PPARGC1B: variants seen among roughly 807,000 people sequenced by gnomAD.
PPARGC1B encodes the protein PPARG coactivator 1 beta.
PPARGC1B carries 34 observed loss-of-function variants against 101.6 expected under a neutral mutation model. That is an observed-to-expected ratio of 0.33 (90% CI 0.25 to 0.45). The LOEUF (loss-of-function observed/expected upper bound fraction) is 0.45, where lower values mean the gene tolerates loss of function less well. Ranked by LOEUF, PPARGC1B falls within the 20% of genes least tolerant of loss-of-function variation. The pLI is 1.00. For missense variants in PPARGC1B, 1,234 were observed against 1,317.6 expected (o/e 0.94, Z 0.98); for synonymous variants, 548 against 539.3 (o/e 1.02, Z -0.22).
At chr5:149,764,427 G>A (rs991434757) in intron 1 of PPARGC1B, among the ~76,000 whole-genome samples, 1 of 152,230 alleles carries the variant, frequency 6.6e-6, no homozygotes, top group African/African-American at 2.4e-5. Flanking sequence ...TGTGGAAACT[G>A]TGCTTAGTGG....
intron 1 of PPARGC1B, among the ~76,000 whole-genome samples, chr5:149,770,043 G>A (rs1756068731): frequency 6.6e-6 from 1 of 152,186 alleles, no homozygotes; most frequent in South Asian, 2.1e-4. Context: ...GCCTGCTGTG[G>A]TGGTGCACTC....
At chr5:149,783,303 G>A (rs1211326636) in intron 1 of PPARGC1B, among the ~76,000 whole-genome samples, 2 of 152,166 alleles carry the variant, frequency 1.3e-5, no homozygotes, top group Non-Finnish European at 2.9e-5. Flanking sequence ...AAAGAGAGTA[G>A]CATATCAGAG....
chr5:149,759,720 C>T (rs904737184), intron 1 of PPARGC1B, among the ~76,000 whole-genome samples: 6 of 152,206 alleles, frequency 3.9e-5, no homozygotes, highest in Non-Finnish European at 7.3e-5. Flanking sequence ...GACCCACATC[C>T]TTCACCAGGC....
Position 149,836,760 on chromosome 5 carries a change from G to A in PPARGC1B, c.2305G>A (p.Gly769Arg). 6.2e-7 allele frequency: 1 copy of A among 1,613,672 alleles called. No homozygotes were observed. The highest frequency in any genetic ancestry group is 8.5e-7 in the Non-Finnish European group (1 of 1,180,032). ...EIRASLTKHF[G>R]LLETALEEED... ...CCGTGCCAGCCTCACCAAACACTTT[G>A]GGCTGCTGGAGACCGCCCTGGAGGA... The change falls in exon 8 of 12, where the codon GGG becomes AGG. Residue 769 changes from glycine to arginine, a missense_variant. Gly to Arg is a moderately radical substitution (Grantham distance 125). Transcript: ENST00000309241.
At chr5:149,783,091 A>AAGAGGG (rs1756651497) in intron 1 of PPARGC1B, among the ~76,000 whole-genome samples, 1 of 149,930 alleles carries the variant, frequency 6.7e-6, no homozygotes, top group African/African-American at 2.5e-5. Flanking sequence ...ATGAGAGATA[A>AAGAGGG]AGAGAGAGAG....
intron 2 of PPARGC1B, among the ~76,000 whole-genome samples, chr5:149,824,669 G>A (rs1758432980): frequency 6.6e-6 from 1 of 152,168 alleles, no homozygotes; most frequent in Non-Finnish European, 1.5e-5. Context: ...AGATGGTTCT[G>A]GGCTGGACAG....
At position 149,834,637 on chromosome 5, in the gene PPARGC1B, T is replaced by C. The variant is rs754387019; in HGVS notation, c.1706-37T>C. 3.7e-6 allele frequency: 6 copies of C among 1,600,218 alleles called. No individual in the cohort carries two copies. The Admixed American group carries it at 1.0e-4, about 27-fold the overall frequency. On this transcript the variant is annotated intron_variant, in intron 5 of 11. Coordinates refer to ENST00000309241, the MANE Select transcript of PPARGC1B (RefSeq NM_133263.4). ...GGGGAAACATCTGCTAGTGATACCA[T>C]ATTGGGGAATCTTATTTTTCTGTGT...
At chr5:149,757,787 C>T (rs1430743043) in intron 1 of PPARGC1B, among the ~76,000 whole-genome samples, 1 of 152,174 alleles carries the variant, frequency 6.6e-6, no homozygotes, top group Non-Finnish European at 1.5e-5. Flanking sequence ...GGTCATGGTG[C>T]AGAGAAACTA....
rs1438745353 is a variant in PPARGC1B at position 149,853,219 on chromosome 5, G to A, written c.*5661G>A. On this transcript the variant is annotated 3_prime_UTR_variant, in exon 12 of 12. Transcript: ENST00000309241. This position sits in a 1 kb window ranked among gnomAD's most constrained non-coding sequence, Gnocchi z 4.2. ...GGTCGCCATCTAGTGGCCAAAGGTTGTCTCCACCAGCTACCCAGATGGAAG... is the reference window on the plus strand; with the variant it reads ...GGTCGCCATCTAGTGGCCAAAGGTTATCTCCACCAGCTACCCAGATGGAAG... 1 of 152,136 alleles carries A rather than the reference G, an allele frequency of 6.6e-6. No homozygotes were observed. Among genetic ancestry groups the A allele is most frequent in the Non-Finnish European group, 1.5e-5 (1 of 68,026 alleles). The allele number at this position is 152,136 out of a possible 1,614,324, so 9.4% of individuals were successfully genotyped here. A position where few individuals can be genotyped will look rare whatever the true frequency, so the allele number is the denominator to read the frequency against.
downstream of PPARGC1B, among the ~76,000 whole-genome samples, chr5:149,856,853 C>T (rs1448296035): frequency 6.6e-6 from 1 of 151,128 alleles, no homozygotes; most frequent in Non-Finnish European, 1.5e-5. Context: ...TCACTGGAAC[C>T]TCTGCCTCCT....
chr5:149,832,592 G>A lies in PPARGC1B; in HGVS notation c.583-64G>A, dbSNP rs769525652. On this transcript the variant is annotated intron_variant, in intron 4 of 11. Coordinates refer to ENST00000309241, the MANE Select transcript of PPARGC1B (RefSeq NM_133263.4). This position sits in a 1 kb window ranked among gnomAD's most constrained non-coding sequence, Gnocchi z 4.9. ...ACAATGGGCCAGCCAGTGACCATGC[G>A]GATGAGACACATGGGAGGAGTGTTT... is the stretch of plus-strand genomic sequence containing the variant. The A allele has an allele frequency of 2.5e-5, 34 of 1,339,504 alleles. No individual in the cohort carries two copies. Among genetic ancestry groups the A allele is most frequent in the East Asian group, 2.4e-5 (1 of 42,316 alleles). The allele number at this position is 1,339,504 out of a possible 1,614,324, so 83.0% of individuals were successfully genotyped here.
At position 149,820,684 on chromosome 5, in the gene PPARGC1B, G is replaced by A. The variant is rs532144473; in HGVS notation, c.252+78G>A. ...CAAAATCCCGGCTCTGCCCTGCTCT[G>A]CCTTCTCCTGCACTTGCTCATGCAG... On this transcript the variant is annotated intron_variant, in intron 2 of 11. Transcript: ENST00000309241. The A allele has an allele frequency of 1.2e-5, 16 of 1,388,002 alleles. 1 individual carries two copies. The South Asian group carries it at 1.5e-4, about 13-fold the overall frequency. 86.0% of individuals were successfully genotyped at this position (1,388,002 alleles called of 1,614,324 possible). A position where few individuals can be genotyped will look rare whatever the true frequency, so the allele number is the denominator to read the frequency against.
At chr5:149,787,435 A>C (rs140446256) in intron 1 of PPARGC1B, among the ~76,000 whole-genome samples, 2 of 152,230 alleles carry the variant, frequency 1.3e-5, no homozygotes, top group African/African-American at 4.8e-5. Context: ...CCACTTTTAT[A>C]TTAAACACCA....
At chr5:149,783,773 CTGT>C (rs1391623268) in intron 1 of PPARGC1B, among the ~76,000 whole-genome samples, 4 of 152,138 alleles carry the variant, frequency 2.6e-5, no homozygotes, top group South Asian at 2.1e-4. Flanking sequence ...TCTGTTATTC[CTGT>C]TGTTCTTGTT....
chr5:149,757,316 G>A (rs1170191450), intron 1 of PPARGC1B, among the ~76,000 whole-genome samples: 1 of 151,280 alleles, frequency 6.6e-6, no homozygotes, highest in Non-Finnish European at 1.5e-5. Context: ...GATCCAACGG[G>A]AACTACATAA....
At chr5:149,743,314 C>G (rs1754978138) in intron 1 of PPARGC1B, among the ~76,000 whole-genome samples, 1 of 151,982 alleles carries the variant, frequency 6.6e-6, no homozygotes, top group Non-Finnish European at 1.5e-5. Context: ...CACCACCACG[C>G]CTGGCTAATT....
At chr5:149,817,883 A>G (rs538466755) in intron 1 of PPARGC1B, 1 of 453,214 alleles carries the variant, frequency 2.2e-6, no homozygotes, top group Non-Finnish European at 4.5e-6. Context: ...ACCCAAGAGA[A>G]GTAAAGACAT....
At chr5:149,843,000 T>A (rs1419094920) in intron 10 of PPARGC1B, among the ~76,000 whole-genome samples, 1 of 152,190 alleles carries the variant, frequency 6.6e-6, no homozygotes, top group Non-Finnish European at 1.5e-5. Flanking sequence ...AAACCCCGTC[T>A]CTACTGAAAA....
At chr5:149,819,810 C>T (rs1438895842) in intron 1 of PPARGC1B, among the ~76,000 whole-genome samples, 6 of 152,188 alleles carry the variant, frequency 3.9e-5, no homozygotes, top group African/African-American at 4.8e-5. Flanking sequence ...GCCCGTGATA[C>T]GGGTGTTTTA....
Sources: gnomAD v4.1 joint callset for allele counts (sites outside exome capture counted in the v4.1 genomes callset) on GRCh38, gnomAD v4.1.1 for gene constraint, Gnocchi (gnomAD v3.1) non-coding constraint, MANE v1.5 for transcripts, NCBI Gene and HGNC (gene_info 2026-07-23, HGNC 2026-07-21) for gene names.